Variants in SPECC1L observed in about 807,000 individuals in gnomAD.
The protein encoded by SPECC1L is sperm antigen with calponin homology and coiled-coil domains 1 like.
Under a neutral mutation model 116.8 loss-of-function variants are expected in SPECC1L, and 40 were observed. That is an observed-to-expected ratio of 0.34 (90% CI 0.27 to 0.45). The LOEUF (loss-of-function observed/expected upper bound fraction) is 0.45, where lower values mean the gene tolerates loss of function less well. Among genes scored for constraint, SPECC1L ranks in the 20% least tolerant of loss-of-function variants. The probability of loss-of-function intolerance (pLI) is 1.00; values close to 1 mark genes in which losing one functional copy is unlikely to be tolerated. For synonymous variants in SPECC1L, 504 were observed against 500.6 expected (o/e 1.01, Z -0.09); for missense variants, 1,110 against 1,373.6 (o/e 0.81, Z 3.03).
At chr22:24,274,591 A>G (rs1569398039) in intron 1 of SPECC1L, among the ~76,000 whole-genome samples, 2 of 152,228 alleles carry the variant, frequency 1.3e-5, no homozygotes, top group Non-Finnish European at 2.9e-5. Flanking sequence ...ATCTGTAAAT[A>G]AGAGAAGAGA....
intron 6 of SPECC1L, among the ~76,000 whole-genome samples, chr22:24,325,005 A>G (rs2040790052): frequency 6.6e-6 from 1 of 152,238 alleles, no homozygotes; most frequent in African/African-American, 2.4e-5. Flanking sequence ...CTCAAAAGTT[A>G]TGAACCCATT....
intron 9 of SPECC1L, 43 bp from the exon 10 acceptor site, chr22:24,338,343 T>A (rs1269303193): frequency 6.3e-7 from 1 of 1,595,478 alleles, no homozygotes; most frequent in South Asian, 1.1e-5. Context: ...AAGCTTCCAC[T>A]GTACAGTGAC....
chr22:24,352,806 AG>A (rs2041452777), intron 11 of SPECC1L, among the ~76,000 whole-genome samples: 1 of 152,186 alleles, frequency 6.6e-6, no homozygotes. Flanking sequence ...GATAAAAATC[AG>A]AACTTATTTT....
intron 4 of SPECC1L, among the ~76,000 whole-genome samples, chr22:24,318,736 A>T (rs1468951081): frequency 6.6e-6 from 1 of 152,044 alleles, no homozygotes; most frequent in Non-Finnish European, 1.5e-5. Context: ...CTTGGGCAAC[A>T]TGCCCAATGT....
In SPECC1L at chr22:24,347,097, A is replaced by G; in HGVS notation, c.2664A>G (p.Ile888Met). The change falls in exon 11 of 17, where the codon ATA becomes ATG. Residue 888 changes from isoleucine (I) to methionine (M), a missense_variant. Physicochemically the swap from Ile to Met is conservative, Grantham distance 10 (BLOSUM62 1). Transcript: ENST00000314328. Reference protein sequence around the residue: ...AAVSPMQRHSISGPISTSKPL... With the variant: ...AAVSPMQRHSMSGPISTSKPL... The stretch of plus-strand genomic sequence containing the variant: ...TCTTATGATTTCAGAGACATTCCAT[A>G]AGTGGACCAATCTCAACATCCAAAC... 2 of 1,613,670 alleles carry G rather than the reference A, an allele frequency of 1.2e-6. No individual in the cohort carries two copies. Among genetic ancestry groups the G allele is most frequent in the African/African-American group, 1.3e-5 (1 of 75,034 alleles).
intron 8 of SPECC1L, among the ~76,000 whole-genome samples, chr22:24,332,634 T>C (rs776954567): frequency 1.3e-5 from 2 of 152,188 alleles, no homozygotes. Context: ...AATGAGAGTT[T>C]AGCTGTTTAC....
chr22:24,370,372 A>AT (rs2012261241), intron 14 of SPECC1L, among the ~76,000 whole-genome samples: 1 of 152,220 alleles, frequency 6.6e-6, no homozygotes, highest in Non-Finnish European at 1.5e-5. Flanking sequence ...AGAGAAAATA[A>AT]TTTAAAAAAA....
In SPECC1L at chr22:24,321,489, A is replaced by G. The variant is rs2040722513; in HGVS notation, c.509A>G (p.Lys170Arg). 6.2e-7 allele frequency: 1 copy of G among 1,614,274 alleles called. No individual in the cohort carries two copies. The highest frequency in any genetic ancestry group is 8.5e-7 in the Non-Finnish European group (1 of 1,180,046). ...TGTGACGTTCGTATGAGCAAGTCTA[A>G]GTCAGACAATCAGATCAGTGACAGA... ...TECDVRMSKSKSDNQISDRAA... is the reference protein window; with the variant it reads ...TECDVRMSKSRSDNQISDRAA... Residue 170 changes from lysine to arginine, a missense_variant, in exon 5 of 17, where the codon AAG (lysine) becomes AGG (arginine). By Grantham distance (26) the Lys-to-Arg change is conservative. This residue lies in a region of SPECC1L where 437 missense variants were observed against 482.6 expected (regional missense o/e 0.91). Coordinates refer to ENST00000314328, the MANE Select transcript of SPECC1L (RefSeq NM_015330.6).
At chr22:24,331,232 T>G (rs955484482) in intron 8 of SPECC1L, among the ~76,000 whole-genome samples, 7 of 152,222 alleles carry the variant, frequency 4.6e-5, no homozygotes, top group African/African-American at 1.7e-4. Context: ...TTCCTTAGTT[T>G]GAGTAATTAT....
At chr22:24,414,359 T>C (rs2042762241) in intron 16 of SPECC1L, among the ~76,000 whole-genome samples, 175 bp from the exon 17 acceptor site, 1 of 152,178 alleles carries the variant, frequency 6.6e-6, no homozygotes, top group South Asian at 2.1e-4. Flanking sequence ...CTGGGGACGA[T>C]GCTGATGCCC....
At chr22:24,363,160 G>A (rs1038036399) in intron 11 of SPECC1L, 101 bp from the exon 12 acceptor site, 2 of 1,028,106 alleles carry the variant, frequency 1.9e-6, no homozygotes, top group Admixed American at 1.9e-5. Flanking sequence ...AGAAGGATGA[G>A]CTTCAAGGCT....
intron 11 of SPECC1L, among the ~76,000 whole-genome samples, chr22:24,356,716 C>T (rs1330953475): frequency 6.6e-6 from 1 of 151,934 alleles, no homozygotes; most frequent in Admixed American, 6.6e-5. Context: ...GTATTTGACC[C>T]ATCTATTCTG....
intron 3 of SPECC1L, among the ~76,000 whole-genome samples, chr22:24,309,959 CT>C (rs1269348705): frequency 2.6e-5 from 4 of 152,146 alleles, no homozygotes; most frequent in East Asian, 1.9e-4. Flanking sequence ...AAAAGTGCCC[CT>C]CTCCTCCCCT....
At chr22:24,272,402 C>T (rs1167593847) in intron 1 of SPECC1L, among the ~76,000 whole-genome samples, 1 of 149,196 alleles carries the variant, frequency 6.7e-6, no homozygotes, top group Non-Finnish European at 1.5e-5. Flanking sequence ...GCCGAGCTCC[C>T]TGGCTCACGC....
intron 14 of SPECC1L, among the ~76,000 whole-genome samples, chr22:24,393,004 G>A (rs1426978737): frequency 1.3e-5 from 2 of 152,216 alleles, no homozygotes; most frequent in African/African-American, 4.8e-5. Flanking sequence ...GTTGTCGAGA[G>A]GGAGAGACAG....
chr22:24,337,161 A>T (rs2041076699), intron 9 of SPECC1L, among the ~76,000 whole-genome samples: 1 of 152,216 alleles, frequency 6.6e-6, no homozygotes, highest in South Asian at 2.1e-4. Flanking sequence ...TGCTCACAAT[A>T]GCTAATAGAT....
chr22:24,284,527 C>A (rs557496176), intron 2 of SPECC1L, among the ~76,000 whole-genome samples: 1 of 152,092 alleles, frequency 6.6e-6, no homozygotes, highest in African/African-American at 2.4e-5. Context: ...CTCTGCCTCC[C>A]GGGTTCATGC....
chr22:24,400,469 A>G (rs777879325), intron 14 of SPECC1L, among the ~76,000 whole-genome samples: 2 of 152,240 alleles, frequency 1.3e-5, no homozygotes, highest in Admixed American at 6.5e-5. Context: ...TCATTTGTCA[A>G]TTGGTGGGCA....
At chr22:24,400,903 A>G (rs2042461126) in intron 14 of SPECC1L, among the ~76,000 whole-genome samples, 1 of 152,204 alleles carries the variant, frequency 6.6e-6, no homozygotes, top group Admixed American at 6.5e-5. Flanking sequence ...ATGTTTGGGC[A>G]ACTGGGTTGT....
Sources: allele counts gnomAD v4.1 joint callset (sites outside exome capture counted in the v4.1 genomes callset), GRCh38; gene constraint gnomAD v4.1.1; regional missense constraint gnomAD v4.1.1; transcripts MANE v1.5; gene names NCBI Gene and HGNC (gene_info 2026-07-23, HGNC 2026-07-21).